Variants in AFF1 observed in about 807,000 individuals in gnomAD.
AFF1 encodes AF4/FMR2 family member 1.
AFF1 carries 48 observed loss-of-function variants against 121.7 expected under a neutral mutation model. That is an observed-to-expected ratio of 0.39 (90% CI 0.31 to 0.50). AFF1 has a LOEUF of 0.50. Ranked by LOEUF, AFF1 falls within the 20% of genes least tolerant of loss-of-function variation. AFF1 has a pLI of 0.76. For synonymous variants in AFF1, 613 were observed against 563.0 expected (o/e 1.09, Z -1.26); for missense variants, 1,523 against 1,511.7 (o/e 1.01, Z -0.12).
intron 2 of AFF1, among the ~76,000 whole-genome samples, chr4:86,956,498 A>G (rs1354562799): frequency 6.6e-6 from 1 of 152,206 alleles, no homozygotes; most frequent in Admixed American, 6.5e-5. Flanking sequence ...TATACAGTTT[A>G]ATTTTTAGTA....
Position 87,007,329 on chromosome 4 carries a change from G to C in AFF1, c.39-38837G>C, listed in dbSNP as rs1039447766. ...CGTCCCCGCCCGGCTCCGCCAAATG[G>C]TGAGCGCGGCGCTGGCAGCAGGGCC... On this transcript the variant is annotated intron_variant, in intron 2 of 20. Coordinates refer to ENST00000395146, the MANE Select transcript of AFF1 (RefSeq NM_001166693.3). 15 of 1,606,408 alleles carry C rather than the reference G, an allele frequency of 9.3e-6. No homozygotes were observed. In the Admixed American group the frequency reaches 2.0e-4, roughly 22 times the overall value.
At chr4:87,102,330 A>G (rs904166086) in intron 8 of AFF1, among the ~76,000 whole-genome samples, 2 of 152,238 alleles carry the variant, frequency 1.3e-5, no homozygotes, top group African/African-American at 4.8e-5. Context: ...ATTTGTCTTC[A>G]TAAGGGAAAC....
At chr4:86,944,429 C>T (rs942429337) in intron 1 of AFF1, among the ~76,000 whole-genome samples, 1 of 151,260 alleles carries the variant, frequency 6.6e-6, no homozygotes, top group African/African-American at 2.4e-5. Flanking sequence ...TGCAGTGGCG[C>T]GATCTCAGCT....
In AFF1 at chr4:87,084,550, C is replaced by CAATAAATAAATA. The variant is rs58068934; in HGVS notation, c.1104+429_1104+440dup. On this transcript the variant is annotated intron_variant, in intron 5 of 20. Transcript: ENST00000395146. ...GGCAACAGAGTTGAAACTATGTCTC[C>CAATAAATAAATA]AATAAATAAATAAATAAATAAATAA... is the stretch of plus-strand genomic sequence containing the variant. 1.9e-3 allele frequency among the ~76,000 whole-genome samples: 256 copies of CAATAAATAAATA among 136,954 alleles called. 2 individuals carry two copies. The highest frequency in any genetic ancestry group is 3.0e-3 in the East Asian group (14 of 4,726). 89.8% of individuals were successfully genotyped at this position (136,954 alleles called of 152,430 possible). A position where few individuals can be genotyped will look rare whatever the true frequency, so the allele number is the denominator to read the frequency against.
chr4:87,105,102 A>G (rs1459247716), intron 8 of AFF1, among the ~76,000 whole-genome samples: 1 of 152,200 alleles, frequency 6.6e-6, no homozygotes, highest in Non-Finnish European at 1.5e-5. Context: ...ATTTAATTCT[A>G]ATGTTGAACT....
Position 87,008,362 on chromosome 4 carries a change from C to T in AFF1, c.39-37804C>T, listed in dbSNP as rs1726385498. 2.0e-5 allele frequency among the ~76,000 whole-genome samples: 3 copies of T among 152,152 alleles called. No individual in the cohort carries two copies. In the South Asian group the frequency reaches 6.2e-4, roughly 32 times the overall value. ...TGGAGAGAAATGGATGTTAAATGTT[C>T]ATGTTTGGGCTGGATGAGACAATGT... On this transcript the variant is annotated intron_variant, in intron 2 of 20. Coordinates refer to ENST00000395146, the MANE Select transcript of AFF1 (RefSeq NM_001166693.3).
intron 4 of AFF1, among the ~76,000 whole-genome samples, chr4:87,083,409 A>G (rs1019354483): frequency 1.3e-5 from 2 of 152,250 alleles, no homozygotes; most frequent in African/African-American, 4.8e-5. Context: ...TTTAAGTGAG[A>G]TATTTTTAAC....
At chr4:86,960,658 G>A (rs1232452954) in intron 2 of AFF1, among the ~76,000 whole-genome samples, 1 of 152,154 alleles carries the variant, frequency 6.6e-6, no homozygotes, top group African/African-American at 2.4e-5. Context: ...ACTAAAAATA[G>A]TACAACATTT....
At position 87,134,831 on chromosome 4, in the gene AFF1, A is replaced by G. The variant is rs147417119; in HGVS notation, c.3535+137A>G. The G allele has an allele frequency of 3.9e-3, 3,187 of 814,992 alleles. 148 individuals are homozygous for G. The Admixed American group carries it at 0.084, about 21-fold the overall frequency. 50.5% of individuals were successfully genotyped at this position (814,992 alleles called of 1,614,324 possible). On this transcript the variant is annotated intron_variant, in intron 20 of 20. Coordinates refer to ENST00000395146, the MANE Select transcript of AFF1 (RefSeq NM_001166693.3). ...GTTTTACTTTAATTATATTTTCTCT[A>G]TTCTGCCTCAAAACCTAGTTGCGGT...
intron 4 of AFF1, chr4:87,047,832 C>T: frequency 1.6e-6 from 1 of 623,004 alleles, no homozygotes; most frequent in Non-Finnish European, 2.9e-6. Flanking sequence ...TTTATGGAGC[C>T]AAAATTTATA....
intron 2 of AFF1, among the ~76,000 whole-genome samples, chr4:86,992,060 A>G (rs1724773047): frequency 6.6e-6 from 1 of 152,146 alleles, no homozygotes; most frequent in Non-Finnish European, 1.5e-5. Flanking sequence ...TATCAGGAAA[A>G]GTGATTTTCC....
At chr4:86,937,934 T>C (rs780488181) in intron 1 of AFF1, among the ~76,000 whole-genome samples, 5 of 152,192 alleles carry the variant, frequency 3.3e-5, no homozygotes, top group Admixed American at 6.5e-5. Context: ...GGTGATTGTT[T>C]AGTTGAAGTT....
intron 6 of AFF1, among the ~76,000 whole-genome samples, chr4:87,091,021 C>CACA (rs1724245145): frequency 1.5e-5 from 1 of 64,842 alleles, no homozygotes; most frequent in African/African-American, 5.7e-5. Flanking sequence ...TCTCTACCAC[C>CACA]AAAAAAAAAA....
At chr4:87,053,729 C>A (rs185341675) in intron 4 of AFF1, among the ~76,000 whole-genome samples, 1 of 152,300 alleles carries the variant, frequency 6.6e-6, no homozygotes, top group East Asian at 1.9e-4. Context: ...GTGGGCAAAA[C>A]CAGATGGTTC....
chr4:87,124,806 G>A (rs1161084529), intron 12 of AFF1, among the ~76,000 whole-genome samples: 1 of 151,828 alleles, frequency 6.6e-6, no homozygotes, highest in South Asian at 2.1e-4. Flanking sequence ...GTTTTTCTTC[G>A]TGCAAAAAAA....
At chr4:86,955,164 G>A (rs147678808) in intron 2 of AFF1, among the ~76,000 whole-genome samples, 13 of 151,992 alleles carry the variant, frequency 8.6e-5, no homozygotes, top group African/African-American at 3.1e-4. Context: ...TGCAAGCTTT[G>A]TCTTTAAAAT....
chr4:86,972,831 C>T (rs1477861353), intron 2 of AFF1, among the ~76,000 whole-genome samples: 1 of 152,194 alleles, frequency 6.6e-6, no homozygotes, highest in Non-Finnish European at 1.5e-5. Context: ...TGAGCTAGCA[C>T]ACCTGGCCTA....
intron 2 of AFF1, among the ~76,000 whole-genome samples, chr4:86,958,763 T>C (rs966522522): frequency 6.6e-6 from 1 of 152,192 alleles, no homozygotes; most frequent in African/African-American, 2.4e-5. Flanking sequence ...TGTCTTCATC[T>C]TGATCCAAGG....
At chr4:86,986,272 A>G (rs1163072300) in intron 2 of AFF1, among the ~76,000 whole-genome samples, 1 of 152,016 alleles carries the variant, frequency 6.6e-6, no homozygotes, top group Admixed American at 6.6e-5. Flanking sequence ...GGGTTTCACC[A>G]TGTTGGCCAG....
Sources: gnomAD v4.1 joint callset for allele counts (sites outside exome capture counted in the v4.1 genomes callset) on GRCh38, gnomAD v4.1.1 for gene constraint, MANE v1.5 for transcripts, NCBI Gene and HGNC (gene_info 2026-07-23, HGNC 2026-07-21) for gene names.